Variants in ACAP2 observed in about 807,000 individuals in gnomAD.
ACAP2 encodes ArfGAP with coiled-coil, ankyrin repeat and PH domains 2, also known as arf-GAP with coiled-coil, ANK repeat and PH domain-containing protein 2.
Under a neutral mutation model 115.8 loss-of-function variants are expected in ACAP2, and 39 were observed. The observed-to-expected ratio is 0.34, with a 90% CI of 0.26 to 0.44. The LOEUF (loss-of-function observed/expected upper bound fraction) is 0.44, where lower values mean the gene tolerates loss of function less well. Among genes scored for constraint, ACAP2 ranks in the 20% least tolerant of loss-of-function variants. The pLI is 1.00. For missense variants in ACAP2, 662 were observed against 927.6 expected (o/e 0.71, Z 3.72); for synonymous variants, 289 against 315.8 (o/e 0.92, Z 0.90).
At chr3:195,429,871 T>C (rs184728876) in intron 1 of ACAP2, among the ~76,000 whole-genome samples, 1 of 152,336 alleles carries the variant, frequency 6.6e-6, no homozygotes, top group East Asian at 1.9e-4. Context: ...GGGAGAGTTC[T>C]TTTTGCCTAT....
In ACAP2 at chr3:195,316,390, GTTTA is replaced by G. The variant is rs201136594; in HGVS notation, c.857+4307_857+4310del. Among the ~76,000 whole-genome samples, 7 of 151,676 alleles carry G rather than the reference GTTTA, an allele frequency of 4.6e-5. No individual in the cohort carries two copies. In the East Asian group the frequency reaches 7.7e-4, roughly 17 times the overall value. On this transcript the variant is annotated intron_variant, in intron 10 of 22. Transcript: ENST00000326793. ...ACCTATATTCATGTACTATTCTTAT[GTTTA>G]TTTATTTATTTATTTATTTAAGAGA...
At chr3:195,404,573 C>T (rs751344866) in intron 1 of ACAP2, among the ~76,000 whole-genome samples, 3 of 151,816 alleles carry the variant, frequency 2.0e-5, no homozygotes, top group African/African-American at 7.2e-5. Flanking sequence ...CAACCCATTC[C>T]GCGAAGCTAA....
intron 1 of ACAP2, among the ~76,000 whole-genome samples, chr3:195,423,200 T>C (rs1199482197): frequency 6.6e-6 from 1 of 152,164 alleles, no homozygotes; most frequent in Non-Finnish European, 1.5e-5. Flanking sequence ...ATACCTATTA[T>C]ACATGCATGT....
At chr3:195,429,122 T>C (rs1422113717) in intron 1 of ACAP2, among the ~76,000 whole-genome samples, 1 of 152,106 alleles carries the variant, frequency 6.6e-6, no homozygotes, top group Non-Finnish European at 1.5e-5. Context: ...GTGCAGTGGC[T>C]CACACTTGTA....
intron 9 of ACAP2, among the ~76,000 whole-genome samples, chr3:195,323,596 T>C (rs889586506): frequency 1.3e-5 from 2 of 152,062 alleles, no homozygotes; most frequent in Non-Finnish European, 2.9e-5. Context: ...TCATACAAAA[T>C]TGAAGGAGGG....
intron 15 of ACAP2, among the ~76,000 whole-genome samples, chr3:195,300,044 C>CTT (rs765234326): frequency 0.013 from 438 of 34,288 alleles, 16 homozygotes; most frequent in African/African-American, 0.028. Flanking sequence ...CTTTTTTTTT[C>CTT]TTTTTTTTTT....
chr3:195,359,976 G>T (rs1732243397), intron 4 of ACAP2, among the ~76,000 whole-genome samples: 3 of 152,108 alleles, frequency 2.0e-5, no homozygotes, highest in Admixed American at 2.0e-4. Flanking sequence ...TGGAAGAGAA[G>T]ACCACAAAAC....
chr3:195,306,357 A>G (rs891523705), intron 13 of ACAP2, among the ~76,000 whole-genome samples, 154 bp downstream of exon 13: 21 of 152,108 alleles, frequency 1.4e-4, no homozygotes, highest in Admixed American at 1.2e-3. Flanking sequence ...AGAAATAAAC[A>G]AAAAAGAAAT....
At chr3:195,425,120 T>C (rs1414763949) in intron 1 of ACAP2, among the ~76,000 whole-genome samples, 2 of 149,762 alleles carry the variant, frequency 1.3e-5, no homozygotes, top group Non-Finnish European at 3.0e-5. Flanking sequence ...AAAAGTATCA[T>C]CTGAATAGTT....
intron 20 of ACAP2, among the ~76,000 whole-genome samples, chr3:195,290,311 G>A (rs754126922): frequency 4.6e-5 from 7 of 152,046 alleles, no homozygotes; most frequent in Non-Finnish European, 8.8e-5. Flanking sequence ...AGGCTGTAGT[G>A]AGCTATGAAT....
At chr3:195,299,963 T>TG (rs1727920943) in intron 15 of ACAP2, among the ~76,000 whole-genome samples, 1 of 105,568 alleles carries the variant, frequency 9.5e-6, no homozygotes, top group African/African-American at 3.4e-5. Flanking sequence ...TGAGTGAATT[T>TG]CAAAAAAAAT....
At position 195,307,294 on chromosome 3, in the gene ACAP2, G is replaced by A; in HGVS notation, c.939C>T (p.Leu313=). ...KDNPTVVVED[L]RLCTVKHCED... ...CACAATGTTTCACTGTGCAAAGCCT[G>A]AGGTCTTCAACTACCACAGTCGGAT... The change falls in exon 12 of 23, where the codon CTC becomes CTT. Residue 313 remains leucine (L), a synonymous_variant. Coordinates refer to ENST00000326793, the MANE Select transcript of ACAP2 (RefSeq NM_012287.6). 6.2e-7 allele frequency: 1 copy of A among 1,612,922 alleles called. No homozygotes were observed. Among genetic ancestry groups the A allele is most frequent in the Non-Finnish European group, 8.5e-7 (1 of 1,179,298 alleles).
At chr3:195,363,827 A>G (rs1343801381) in intron 4 of ACAP2, among the ~76,000 whole-genome samples, 2 of 152,178 alleles carry the variant, frequency 1.3e-5, no homozygotes, top group Non-Finnish European at 2.9e-5. Flanking sequence ...TCTAAAGTGA[A>G]CTCATTTTCG....
chr3:195,399,084 A>G (rs754302630), intron 1 of ACAP2, among the ~76,000 whole-genome samples: 14 of 152,244 alleles, frequency 9.2e-5, no homozygotes, highest in Non-Finnish European at 8.8e-5. Flanking sequence ...CCAATCTAAT[A>G]GAACCTGGAT....
intron 1 of ACAP2, chr3:195,410,951 T>G (rs1030783649): frequency 2.8e-6 from 1 of 360,784 alleles, no homozygotes; most frequent in South Asian, 2.1e-5. Flanking sequence ...CAGAGATAGC[T>G]GGCCCTCACC....
At chr3:195,369,009 G>A (rs973669600) in intron 4 of ACAP2, among the ~76,000 whole-genome samples, 2 of 151,894 alleles carry the variant, frequency 1.3e-5, no homozygotes, top group Non-Finnish European at 2.9e-5. Flanking sequence ...ACTTGAACCT[G>A]GGAGGCGGAG....
chr3:195,351,663 A>C (rs1731618134), intron 4 of ACAP2, among the ~76,000 whole-genome samples: 1 of 151,114 alleles, frequency 6.6e-6, no homozygotes, highest in South Asian at 2.1e-4. Context: ...AAAGGGTTTC[A>C]CTGTGTTAGG....
chr3:195,314,669 C>CA (rs1046475668), intron 10 of ACAP2, among the ~76,000 whole-genome samples: 47 of 152,152 alleles, frequency 3.1e-4, no homozygotes, highest in South Asian at 8.3e-4. Flanking sequence ...GTGACTAAAA[C>CA]AAAAAACGTG....
chr3:195,363,622 T>TACACACACAC (rs546329426), intron 4 of ACAP2, among the ~76,000 whole-genome samples: 2 of 147,162 alleles, frequency 1.4e-5, no homozygotes, highest in Admixed American at 6.8e-5. Context: ...TGAAACCACA[T>TACACACACAC]ACACACACAC....
Sources: gnomAD v4.1 joint callset for allele counts (sites outside exome capture counted in the v4.1 genomes callset) on GRCh38, gnomAD v4.1.1 for gene constraint, MANE v1.5 for transcripts, NCBI Gene and HGNC (gene_info 2026-07-23, HGNC 2026-07-21) for gene names.